Variants in PAPPA observed in about 807,000 individuals in gnomAD.
PAPPA encodes pappalysin-1.
In PAPPA, 60 loss-of-function variants were observed where a neutral mutation model predicts 164.0. The observed-to-expected ratio is 0.37, with a 90% CI of 0.30 to 0.45. The LOEUF (loss-of-function observed/expected upper bound fraction) is 0.45, where lower values mean the gene tolerates loss of function less well. Among genes scored for constraint, PAPPA ranks in the 20% least tolerant of loss-of-function variants. The probability of loss-of-function intolerance (pLI) is 1.00; values close to 1 mark genes in which losing one functional copy is unlikely to be tolerated. For missense variants in PAPPA, 1,782 were observed against 2,087.3 expected, an observed-to-expected ratio of 0.85 and a Z score of 2.85; for synonymous variants, 875 against 814.1, an observed-to-expected ratio of 1.07 and a Z score of -1.27.
chr9:116,302,353 C>T (rs567275989), intron 9 of PAPPA, among the ~76,000 whole-genome samples: 3 of 152,022 alleles, frequency 2.0e-5, no homozygotes, highest in Admixed American at 2.0e-4. Context: ...ACAATTGAAA[C>T]CACATACTCA....
chr9:116,222,442 T>A (rs1465175393), intron 5 of PAPPA, among the ~76,000 whole-genome samples: 1 of 152,174 alleles, frequency 6.6e-6, no homozygotes, highest in Admixed American at 6.6e-5. Context: ...AAGATAGGTT[T>A]ATTGGGTGAG....
At chr9:116,297,848 A>G (rs1753344236) in intron 9 of PAPPA, among the ~76,000 whole-genome samples, 1 of 152,190 alleles carries the variant, frequency 6.6e-6, no homozygotes, top group Non-Finnish European at 1.5e-5. Flanking sequence ...TAAGACCAGT[A>G]TTATTTTCCC....
chr9:116,195,742 C>T (rs1194553644), intron 2 of PAPPA, among the ~76,000 whole-genome samples: 1 of 152,176 alleles, frequency 6.6e-6, no homozygotes, highest in East Asian at 1.9e-4. Context: ...TCTTATTGTG[C>T]ATATCCCGAA....
intron 9 of PAPPA, among the ~76,000 whole-genome samples, chr9:116,288,120 C>G (rs1845363766): frequency 6.6e-6 from 1 of 152,148 alleles, no homozygotes; most frequent in Admixed American, 6.6e-5. Context: ...CCTATAATCC[C>G]AGCACTCTGG....
At chr9:116,291,129 CT>C (rs1373089873) in intron 9 of PAPPA, among the ~76,000 whole-genome samples, 8 of 152,126 alleles carry the variant, frequency 5.3e-5, no homozygotes, top group Non-Finnish European at 8.8e-5. Flanking sequence ...TGCTTACAAT[CT>C]TTTTAAGCCA....
chr9:116,286,829 C>T (rs908948358), intron 9 of PAPPA: 1 of 133,288 alleles, frequency 7.5e-6, no homozygotes, highest in African/African-American at 2.6e-5. Flanking sequence ...TTCTCAACAG[C>T]TTCTCATTTT....
intron 18 of PAPPA, among the ~76,000 whole-genome samples, chr9:116,363,543 C>T (rs141299510): frequency 6.4e-4 from 97 of 152,294 alleles, no homozygotes; most frequent in African/African-American, 2.2e-3. Flanking sequence ...CACAGCTTTC[C>T]GGGGTACTCA....
intron 6 of PAPPA, among the ~76,000 whole-genome samples, chr9:116,234,743 G>C (rs187617061): frequency 2.2e-4 from 33 of 152,290 alleles, no homozygotes; most frequent in African/African-American, 7.9e-4. Flanking sequence ...GGGAGCCTTA[G>C]TTTTATCACC....
intron 18 of PAPPA, among the ~76,000 whole-genome samples, chr9:116,366,648 T>C (rs575350652): frequency 4.9e-4 from 75 of 152,200 alleles, no homozygotes; most frequent in Non-Finnish European, 9.7e-4. Context: ...TAATCTGCCA[T>C]GCACAGTGCC....
chr9:116,214,317 T>C (rs570314707), intron 4 of PAPPA, among the ~76,000 whole-genome samples: 2 of 152,290 alleles, frequency 1.3e-5, no homozygotes, highest in South Asian at 2.1e-4. Context: ...GGACACTGTA[T>C]GAAATTTTTC....
At chr9:116,288,407 A>G (rs1845368686) in intron 9 of PAPPA, among the ~76,000 whole-genome samples, 1 of 150,424 alleles carries the variant, frequency 6.6e-6, no homozygotes, top group South Asian at 2.1e-4. Context: ...TTTAGGACCA[A>G]TTTATTTCTG....
At chr9:116,286,445 G>A (rs1371523992) in intron 9 of PAPPA, 1 of 152,236 alleles carries the variant, frequency 6.6e-6, no homozygotes, top group East Asian at 1.9e-4. Flanking sequence ...AAAGGAAGTG[G>A]ATAGCTGTGT....
chr9:116,225,325 A>T (rs1361047593), intron 5 of PAPPA, among the ~76,000 whole-genome samples: 2 of 152,186 alleles, frequency 1.3e-5, no homozygotes, highest in African/African-American at 4.8e-5. Context: ...ATTTGAGTAT[A>T]TTTGTATAAT....
intron 7 of PAPPA, among the ~76,000 whole-genome samples, chr9:116,259,883 A>G (rs1183686004): frequency 6.6e-6 from 1 of 152,228 alleles, no homozygotes; most frequent in Non-Finnish European, 1.5e-5. Flanking sequence ...CAGTGATTAA[A>G]TAACAATAAT....
chr9:116,211,017 G>A (rs1242404773), intron 3 of PAPPA, among the ~76,000 whole-genome samples: 2 of 152,312 alleles, frequency 1.3e-5, no homozygotes, highest in Admixed American at 6.5e-5. Flanking sequence ...ATCATAGAAC[G>A]TTGATTAAGA....
chr9:116,354,042 C>A (rs1846319645), intron 17 of PAPPA, among the ~76,000 whole-genome samples: 1 of 152,144 alleles, frequency 6.6e-6, no homozygotes, highest in Admixed American at 6.5e-5. Flanking sequence ...TTAAGTTCCT[C>A]AAACAGGAAA....
rs560630290 is a variant in PAPPA, at chr9:116,266,075, T to A, written c.2861+90T>A. 104 of 1,173,820 alleles carry A rather than the reference T, an allele frequency of 8.9e-5. No homozygotes were observed. In the South Asian group the frequency reaches 1.4e-3, roughly 16 times the overall value. The allele number at this position is 1,173,820 out of a possible 1,614,324, so 72.7% of individuals were successfully genotyped here. On this transcript the variant is annotated intron_variant, in intron 8 of 21. Transcript: ENST00000328252. The stretch of plus-strand genomic sequence containing the variant: ...GCTGAACAGAAGAGCTTATGACATA[T>A]TCTTCAGTGCATGAGCTGTGAGCTA...
Position 116,276,577 on chromosome 9 carries a change from A to C in PAPPA, c.2953+5161A>C, listed in dbSNP as rs113228388. Among the ~76,000 whole-genome samples, 690 of 152,306 alleles carry C rather than the reference A, an allele frequency of 4.5e-3. 2 individuals are homozygous for C. Among genetic ancestry groups the C allele is most frequent in the African/African-American group, 0.016 (655 of 41,558 alleles). Reference sequence around the variant, plus strand: ...GATACTGAGGAATCTCCGATTTGTCAAACAGCTATTTAAAGGCTTTAGGTT... The same window carrying C: ...GATACTGAGGAATCTCCGATTTGTCCAACAGCTATTTAAAGGCTTTAGGTT... On this transcript the variant is annotated intron_variant, in intron 9 of 21. Coordinates refer to ENST00000328252, the MANE Select transcript of PAPPA (RefSeq NM_002581.5).
intron 15 of PAPPA, among the ~76,000 whole-genome samples, chr9:116,350,023 C>T (rs769465820): frequency 2.2e-4 from 33 of 152,302 alleles, no homozygotes; most frequent in East Asian, 9.7e-4. Flanking sequence ...CTCTGGGAGA[C>T]GGTGGAGAAC....
Sources: allele counts gnomAD v4.1 joint callset (sites outside exome capture counted in the v4.1 genomes callset), GRCh38; gene constraint gnomAD v4.1.1; transcripts MANE v1.5; gene names NCBI Gene and HGNC (gene_info 2026-07-23, HGNC 2026-07-21).